Variants in KCNB2 observed in about 807,000 individuals in gnomAD.
KCNB2 encodes delayed rectifier potassium channel protein.
Under a neutral mutation model 61.5 loss-of-function variants are expected in KCNB2, and 15 were observed. The observed-to-expected ratio is 0.24, with a 90% CI of 0.16 to 0.38. The LOEUF is 0.38. Ranked by LOEUF, KCNB2 falls within the 10% of genes least tolerant of loss-of-function variation. The pLI is 1.00. For missense variants in KCNB2, 828 were observed against 1,125.2 expected (o/e 0.74, Z 3.78); for synonymous variants, 457 against 446.0 (o/e 1.02, Z -0.31).
chr8:72,624,142 A>G (rs1195282942), intron 2 of KCNB2, among the ~76,000 whole-genome samples: 1 of 152,252 alleles, frequency 6.6e-6, no homozygotes, highest in Non-Finnish European at 1.5e-5. Context: ...TGTTCATATT[A>G]GTAAATTACT....
chr8:72,621,564 G>A (rs1196621456), intron 2 of KCNB2, among the ~76,000 whole-genome samples: 1 of 151,732 alleles, frequency 6.6e-6, no homozygotes, highest in Non-Finnish European at 1.5e-5. Context: ...AATGTTCGTG[G>A]GTACATAGTA....
intron 2 of KCNB2, among the ~76,000 whole-genome samples, chr8:72,773,886 A>G (rs978244963): frequency 1.3e-5 from 2 of 152,174 alleles, no homozygotes; most frequent in Non-Finnish European, 2.9e-5. Context: ...GATATGAGAT[A>G]TAATAATTAG....
intron 2 of KCNB2, among the ~76,000 whole-genome samples, chr8:72,709,135 C>T (rs1445317118): frequency 6.6e-6 from 1 of 152,190 alleles, no homozygotes; most frequent in Non-Finnish European, 1.5e-5. Context: ...AAGCAGCCAG[C>T]TGTTTGAGCC....
intron 2 of KCNB2, among the ~76,000 whole-genome samples, chr8:72,785,308 A>G (rs773282760): frequency 1.3e-5 from 2 of 152,160 alleles, no homozygotes; most frequent in Non-Finnish European, 2.9e-5. Flanking sequence ...AAAGGCAGGG[A>G]AAAAAGCAAT....
chr8:72,673,398 GTTC>G (rs1585821279), intron 2 of KCNB2, among the ~76,000 whole-genome samples: 2 of 152,166 alleles, frequency 1.3e-5, no homozygotes, highest in African/African-American at 4.8e-5. Flanking sequence ...ATGAGCACTT[GTTC>G]TTCTCCTTCC....
Position 72,594,109 on chromosome 8 carries a change from TTA to T in KCNB2, c.579+25797_579+25798del, listed in dbSNP as rs1453868750. ...AGAGTCTACCTGAGGAAATGATAATTTAGTTATATACCTCATCTTAGTATTGC... is the reference window on the plus strand; with the variant it reads ...AGAGTCTACCTGAGGAAATGATAATTGTTATATACCTCATCTTAGTATTGC... On this transcript the variant is annotated intron_variant, in intron 2 of 2. Coordinates refer to ENST00000523207, the MANE Select transcript of KCNB2 (RefSeq NM_004770.3). 2.0e-3 allele frequency among the ~76,000 whole-genome samples: 306 copies of T among 152,264 alleles called. 1 individual carries two copies. The highest frequency in any genetic ancestry group is 7.0e-3 in the African/African-American group (291 of 41,544).
At chr8:72,555,822 A>G (rs1183139964) in intron 1 of KCNB2, among the ~76,000 whole-genome samples, 1 of 152,048 alleles carries the variant, frequency 6.6e-6, no homozygotes, top group Non-Finnish European at 1.5e-5. Flanking sequence ...GGTTAGTTAC[A>G]TATGTATACA....
chr8:72,641,522 A>T (rs1806055196), intron 2 of KCNB2, among the ~76,000 whole-genome samples: 1 of 151,950 alleles, frequency 6.6e-6, no homozygotes, highest in African/African-American at 2.4e-5. Context: ...CTTTGTTTCT[A>T]TGTCACATTA....
chr8:72,688,702 G>C (rs1585831277), intron 2 of KCNB2, among the ~76,000 whole-genome samples: 2 of 152,032 alleles, frequency 1.3e-5, no homozygotes, highest in East Asian at 3.9e-4. Context: ...TATAAAGAAA[G>C]GAGGAAGCTT....
At chr8:72,701,543 AT>A (rs5892361) in intron 2 of KCNB2, among the ~76,000 whole-genome samples, 107,907 of 151,994 alleles carry the variant, frequency 0.71, 39,273 homozygotes, top group African/African-American at 0.86. Flanking sequence ...CTTTATGTAG[AT>A]TTTTTTAAAA....
chr8:72,537,432 C>G lies in KCNB2; in HGVS notation c.-547C>G, dbSNP rs988428498. On this transcript the variant is annotated 5_prime_UTR_variant, in exon 1 of 3. Coordinates refer to ENST00000523207, the MANE Select transcript of KCNB2 (RefSeq NM_004770.3). ...CGGGCAGCCCCAGCGAGCGGCAACT[C>G]CCGGGCTGGCGCGGCTCGCTTTCTG... The G allele has an allele frequency of 4.6e-5, 7 of 152,618 alleles. No individual in the cohort carries two copies. Among genetic ancestry groups the G allele is most frequent in the African/African-American group, 1.7e-4 (7 of 41,428 alleles). The allele number at this position is 152,618 out of a possible 1,614,324, so 9.5% of individuals were successfully genotyped here. A position where few individuals can be genotyped will look rare whatever the true frequency, so the allele number is the denominator to read the frequency against.
intron 2 of KCNB2, among the ~76,000 whole-genome samples, chr8:72,893,927 T>C (rs1381789963): frequency 6.6e-6 from 1 of 152,174 alleles, no homozygotes; most frequent in Non-Finnish European, 1.5e-5. Context: ...TGTCCATTCT[T>C]TCATGCCATC....
intron 2 of KCNB2, among the ~76,000 whole-genome samples, chr8:72,694,807 T>G (rs1806991959): frequency 6.6e-6 from 1 of 151,840 alleles, no homozygotes; most frequent in African/African-American, 2.4e-5. Flanking sequence ...AAGTACACTT[T>G]TAATTAATAA....
At chr8:72,810,932 A>G (rs1350435653) in intron 2 of KCNB2, among the ~76,000 whole-genome samples, 1 of 152,198 alleles carries the variant, frequency 6.6e-6, no homozygotes. Flanking sequence ...GGTCATATGA[A>G]TCATGGCTGA....
chr8:72,887,979 A>T (rs975377586), intron 2 of KCNB2, among the ~76,000 whole-genome samples: 2 of 152,122 alleles, frequency 1.3e-5, no homozygotes, highest in African/African-American at 4.8e-5. Flanking sequence ...GCCTTATACC[A>T]CCTGTGTGTC....
intron 2 of KCNB2, among the ~76,000 whole-genome samples, chr8:72,935,457 C>G (rs1321083472): frequency 6.6e-6 from 1 of 152,206 alleles, no homozygotes; most frequent in Admixed American, 6.5e-5. Flanking sequence ...CATTGTTGTA[C>G]TGAGTGCCAT....
chr8:72,546,295 C>G (rs1250376352), intron 1 of KCNB2, among the ~76,000 whole-genome samples: 1 of 152,052 alleles, frequency 6.6e-6, no homozygotes, highest in Non-Finnish European at 1.5e-5. Context: ...GCAGGTGGAT[C>G]ACAAGGTCAG....
intron 2 of KCNB2, chr8:72,875,131 G>A (rs1407829797): frequency 6.6e-6 from 1 of 152,250 alleles, no homozygotes; most frequent in Non-Finnish European, 1.5e-5. Flanking sequence ...CACACCCCCA[G>A]CCTCCTCCTG....
At chr8:72,804,494 G>A (rs1809184674) in intron 2 of KCNB2, among the ~76,000 whole-genome samples, 1 of 152,200 alleles carries the variant, frequency 6.6e-6, no homozygotes, top group Admixed American at 6.5e-5. Context: ...ATTAAATCTT[G>A]TGCTGATGAA....
Sources: allele counts gnomAD v4.1 joint callset (sites outside exome capture counted in the v4.1 genomes callset), GRCh38; gene constraint gnomAD v4.1.1; transcripts MANE v1.5; gene names NCBI Gene and HGNC (gene_info 2026-07-23, HGNC 2026-07-21).